Variants in IGF2 observed in about 807,000 individuals in gnomAD.
IGF2 encodes the protein insulin-like growth factor 2.
Under a neutral mutation model 12.0 loss-of-function variants are expected in IGF2, and 2 were observed. That is an observed-to-expected ratio of 0.17 (90% confidence interval 0.07 to 0.52). IGF2 has a LOEUF of 0.52. Ranked by LOEUF, IGF2 falls within the 20% of genes least tolerant of loss-of-function variation. IGF2 has a pLI of 0.95. For missense variants in IGF2, 211 were observed against 268.0 expected (o/e 0.79, Z 1.48); for synonymous variants, 105 against 110.1 (o/e 0.95, Z 0.29).
chr11:2,135,315 G>A (rs372402212), intron 2 of IGF2, 52 bp downstream of exon 2: 8 of 1,476,738 alleles, frequency 5.4e-6, no homozygotes, highest in East Asian at 5.0e-5. Context: ...CGTCCTCACC[G>A]GTCACTCTAG....
At position 2,129,499 on chromosome 11, in the gene IGF2, C is replaced by T. The variant is rs965782008; in HGVS notation, c.*3488G>A. The T allele has an allele frequency of 2.6e-5, 6 of 228,208 alleles. No homozygotes were observed. The highest frequency in any genetic ancestry group is 6.7e-5 in the African/African-American group (3 of 45,018). The allele number at this position is 228,208 out of a possible 1,614,324, so 14.1% of individuals were successfully genotyped here. On this transcript the variant is annotated 3_prime_UTR_variant, in exon 4 of 4. Transcript: ENST00000416167. The surrounding 1 kb of genome is among the most constrained non-coding windows in gnomAD (Gnocchi z 8.1). The stretch of plus-strand genomic sequence containing the variant: ...CAAGTGCCCCCGGGAACACCCACTC[C>T]GGCGAGGCAGAATATAACACTGGGT...
At chr11:2,135,979 C>A (rs1005525941) in intron 1 of IGF2, among the ~76,000 whole-genome samples, 2 of 152,146 alleles carry the variant, frequency 1.3e-5, no homozygotes, top group African/African-American at 2.4e-5. Flanking sequence ...GACAGCCCCA[C>A]CCCTACAGAG....
the IGF2 span, chr11:2,149,456 TG>T: frequency 1.4e-5 from 13 of 915,970 alleles, no homozygotes; most frequent in Non-Finnish European, 2.0e-5. Flanking sequence ...ACTGAAATGA[TG>T]GGTTTACCCC....
the IGF2 span, chr11:2,146,512 C>A: frequency 2.3e-6 from 1 of 432,632 alleles, no homozygotes; most frequent in Non-Finnish European, 4.8e-6. Context: ...GCTGCTCAAT[C>A]TGCCCAAAGC....
upstream of IGF2, chr11:2,140,117 A>G (rs776447298): frequency 6.2e-7 from 1 of 1,610,372 alleles, no homozygotes; most frequent in South Asian, 1.1e-5. Flanking sequence ...AGGGCGGGAA[A>G]CACAGCTCAA....
At chr11:2,141,976 A>T (rs548520853), upstream of IGF2, among the ~76,000 whole-genome samples, 1 of 152,364 alleles carries the variant, frequency 6.6e-6, no homozygotes, top group South Asian at 2.1e-4. Context: ...AGTGAAACAC[A>T]TTTCAAGTTT....
upstream of IGF2, chr11:2,140,107 A>G: frequency 6.2e-7 from 1 of 1,606,262 alleles, no homozygotes; most frequent in Non-Finnish European, 8.5e-7. Context: ...AGAGAGGATC[A>G]GGGCGGGAAA....
chr11:2,136,492 G>C (rs1036263267), intron 1 of IGF2, among the ~76,000 whole-genome samples: 2 of 152,206 alleles, frequency 1.3e-5, no homozygotes, highest in Non-Finnish European at 2.9e-5. Flanking sequence ...CCACAGGGCC[G>C]GGTTAACCCA....
chr11:2,148,121 C>CT, the IGF2 span: 1 of 293,182 alleles, frequency 3.4e-6, no homozygotes, highest in East Asian at 5.6e-5. The surrounding 1 kb of genome is among the most constrained non-coding windows in gnomAD (Gnocchi z 4.3). Flanking sequence ...CTGCCTGGCA[C>CT]TGGGGGTGGA....
the IGF2 span, chr11:2,146,445 T>C: frequency 1.9e-6 from 1 of 530,950 alleles, no homozygotes; most frequent in East Asian, 5.5e-5. Flanking sequence ...GCCTGGGAAG[T>C]AGGACTAAGG....
rs1418405820 is a variant in IGF2, at chr11:2,131,755, ATG to A, written c.*1230_*1231del. On this transcript the variant is annotated 3_prime_UTR_variant, in exon 4 of 4. Transcript: ENST00000416167. ...GTTCGCGTGTGTGTGCTGTGTGTGC[ATG>A]TGTGTGCTGTGTCTTTGTGTGTGTG... 1.2e-4 allele frequency: 16 copies of A among 133,032 alleles called. No individual in the cohort carries two copies. The South Asian group carries it at 1.5e-3, about 13-fold the overall frequency. 8.2% of individuals were successfully genotyped at this position (133,032 alleles called of 1,614,324 possible). A position where few individuals can be genotyped will look rare whatever the true frequency, so the allele number is the denominator to read the frequency against.
upstream of IGF2, among the ~76,000 whole-genome samples, chr11:2,145,268 T>C (rs1859846663): frequency 6.6e-6 from 1 of 152,222 alleles, no homozygotes; most frequent in Non-Finnish European, 1.5e-5. Flanking sequence ...TGTTGATGTT[T>C]TCCTCTGCAG....
At chr11:2,136,044 G>C (rs565211387) in intron 1 of IGF2, among the ~76,000 whole-genome samples, 1 of 152,248 alleles carries the variant, frequency 6.6e-6, no homozygotes. Context: ...AGCTGAGCAG[G>C]GGGGGTCCAG....
the IGF2 span, chr11:2,147,719 G>C: frequency 8.0e-7 from 1 of 1,249,644 alleles, no homozygotes; most frequent in Non-Finnish European, 1.0e-6. This position sits in a 1 kb window ranked among gnomAD's most constrained non-coding sequence, Gnocchi z 7.2. Context: ...GGCTGGGCAG[G>C]GGGCTGAGCT....
At position 2,132,976 on chromosome 11, in the gene IGF2, G is replaced by A. The variant is rs751058590; in HGVS notation, c.*11C>T. 2.1e-5 allele frequency: 31 copies of A among 1,484,054 alleles called. No individual in the cohort carries two copies. The South Asian group carries it at 2.6e-4, about 12-fold the overall frequency. The allele number at this position is 1,484,054 out of a possible 1,614,324, so 91.9% of individuals were successfully genotyped here. A position where few individuals can be genotyped will look rare whatever the true frequency, so the allele number is the denominator to read the frequency against. ...TGGTGGCGCCGGGCTGCAGACTTGC[G>A]GCAGTTTTGCTCACTTCCGATTGCT... On this transcript the variant is annotated 3_prime_UTR_variant, in exon 4 of 4. Transcript: ENST00000416167.
At chr11:2,139,990 G>T, upstream of IGF2, 2 of 656,764 alleles carry the variant, frequency 3.0e-6, no homozygotes, top group Non-Finnish European at 2.3e-6. Flanking sequence ...CCGGTGCCGC[G>T]CCGGAGCCCC....
chr11:2,140,004 G>A, upstream of IGF2: 1 of 807,630 alleles, frequency 1.2e-6, no homozygotes, highest in East Asian at 3.3e-5. Flanking sequence ...GAGCCCCGGA[G>A]CCCCCGCCAG....
In IGF2 at chr11:2,133,090, T is replaced by A. The variant is rs1291850589; in HGVS notation, c.440A>T (p.Glu147Val). The change falls in exon 4 of 4, where the codon GAG (glutamate) becomes GTG (valine). Residue 147 changes from glutamate to valine, a missense_variant. Physicochemically the swap from Glu to Val is moderately radical, Grantham distance 121. Around this residue, in one of 3 missense-constraint regions of IGF2, gnomAD observed 141 missense variants for 153.1 expected, o/e 0.92. Coordinates refer to ENST00000416167, the MANE Select transcript of IGF2 (RefSeq NM_000612.6). The surrounding 1 kb of genome is among the most constrained non-coding windows in gnomAD (Gnocchi z 8.9). ...GTGACGTTTGGCCTCCCTGAACGCC[T>A]CGAGCTCCTTGGCGAGCACGTGACC... ...RRGHVLAKEL[E>V]AFREAKRHRP... 3.1e-6 allele frequency: 5 copies of A among 1,607,890 alleles called. No individual in the cohort carries two copies. The highest frequency in any genetic ancestry group is 4.2e-6 in the Non-Finnish European group (5 of 1,176,986).
chr11:2,134,568 T>C (rs1298338466), intron 2 of IGF2, among the ~76,000 whole-genome samples: 3 of 152,194 alleles, frequency 2.0e-5, no homozygotes, highest in African/African-American at 4.8e-5. Flanking sequence ...TTTCACAGCG[T>C]GAGTAAGCAG....
Sources: allele counts gnomAD v4.1 joint callset (sites outside exome capture counted in the v4.1 genomes callset), GRCh38; gene constraint gnomAD v4.1.1; regional missense constraint gnomAD v4.1.1; non-coding constraint Gnocchi (gnomAD v3.1); transcripts MANE v1.5; gene names NCBI Gene and HGNC (gene_info 2026-07-23, HGNC 2026-07-21).